MLIP: variants seen among roughly 807,000 people sequenced by gnomAD.
MLIP encodes muscular LMNA-interacting protein.
Under a neutral mutation model 84.8 loss-of-function variants are expected in MLIP, and 79 were observed. The observed-to-expected ratio is 0.93, with a 90% CI of 0.78 to 1.12. The LOEUF (loss-of-function observed/expected upper bound fraction) is 1.12. Ranked by LOEUF, MLIP falls within the 50% of genes most tolerant of loss-of-function variation. The pLI is 0.00. For missense variants in MLIP, 1,257 were observed against 1,160.6 expected (o/e 1.08, Z -1.21); for synonymous variants, 504 against 463.0 (o/e 1.09, Z -1.14).
chr6:54,251,743 TAATAGCA>T (rs1231162891), intron 12 of MLIP, among the ~76,000 whole-genome samples: 4 of 101,684 alleles, frequency 3.9e-5, no homozygotes, highest in Non-Finnish European at 5.1e-5. Context: ...TAAATATATA[TAATAGCA>T]TATAATATAT....
At chr6:54,049,164 G>T (rs997775346) in intron 1 of MLIP, among the ~76,000 whole-genome samples, 1 of 152,074 alleles carries the variant, frequency 6.6e-6, no homozygotes, top group Admixed American at 6.6e-5. Context: ...ATCCTCTGAG[G>T]ATTTTCAGCA....
intron 1 of MLIP, among the ~76,000 whole-genome samples, chr6:54,081,478 G>C (rs1767146696): frequency 6.6e-6 from 1 of 152,038 alleles, no homozygotes; most frequent in Non-Finnish European, 1.5e-5. Context: ...CGCGATCTCC[G>C]CTCACTGCAA....
intron 1 of MLIP, chr6:54,045,381 C>T (rs1764986326): frequency 6.6e-6 from 1 of 151,780 alleles, no homozygotes; most frequent in Non-Finnish European, 1.5e-5. Context: ...AATGGTGATG[C>T]ACCATGCATG....
intron 1 of MLIP, among the ~76,000 whole-genome samples, chr6:54,059,344 A>C (rs574503828): frequency 1.1e-4 from 16 of 152,208 alleles, no homozygotes; most frequent in Non-Finnish European, 2.2e-4. Context: ...TAGATCCCTC[A>C]GAACTCCTTG....
At chr6:54,025,687 G>A (rs148329880) in intron 1 of MLIP, among the ~76,000 whole-genome samples, 116 of 152,144 alleles carry the variant, frequency 7.6e-4, no homozygotes, top group Middle Eastern at 3.4e-3. Flanking sequence ...TTTGTCTGAG[G>A]GACAATTTTG....
intron 12 of MLIP, among the ~76,000 whole-genome samples, chr6:54,245,395 T>C (rs929429266): frequency 1.3e-5 from 2 of 152,160 alleles, no homozygotes; most frequent in Non-Finnish European, 2.9e-5. Flanking sequence ...CCACACCTGA[T>C]GCAAAGGAGC....
intron 1 of MLIP, among the ~76,000 whole-genome samples, chr6:54,088,316 T>A (rs1214681346): frequency 6.6e-6 from 1 of 152,078 alleles, no homozygotes; most frequent in East Asian, 1.9e-4. Flanking sequence ...AATCAAGGCA[T>A]ACAAATATAG....
chr6:54,259,517 G>C lies in MLIP; in HGVS notation c.2976+2156G>C, dbSNP rs541182494. 3.3e-5 allele frequency among the ~76,000 whole-genome samples: 5 copies of C among 151,956 alleles called. No homozygotes were observed. In the South Asian group the frequency reaches 1.0e-3, roughly 31 times the overall value. On this transcript the variant is annotated intron_variant, in intron 13 of 13. Transcript: ENST00000502396. ...TAAATTGAGAACTACTGAATGTTAG[G>C]TAATGCAAAAGACTTTGTGAGCCAA...
chr6:54,048,111 G>C (rs1233174995), intron 1 of MLIP, among the ~76,000 whole-genome samples: 2 of 152,186 alleles, frequency 1.3e-5, no homozygotes, highest in Non-Finnish European at 1.5e-5. Context: ...TGTAGGAGAG[G>C]TATTTCTAGA....
intron 3 of MLIP, among the ~76,000 whole-genome samples, chr6:54,131,064 A>C (rs1227667128): frequency 6.6e-6 from 1 of 152,228 alleles, no homozygotes; most frequent in East Asian, 1.9e-4. Context: ...TTTCCATGTA[A>C]GGGTGGAGAA....
At chr6:54,216,506 A>G (rs547938859) in intron 11 of MLIP, 5 of 985,302 alleles carry the variant, frequency 5.1e-6, no homozygotes, top group Non-Finnish European at 6.0e-6. Flanking sequence ...ATGCTGATCC[A>G]TGCCATCTGT....
intron 1 of MLIP, among the ~76,000 whole-genome samples, chr6:54,021,852 A>G (rs1345470798): frequency 6.6e-6 from 1 of 152,232 alleles, no homozygotes; most frequent in African/African-American, 2.4e-5. Context: ...CCAATATTTC[A>G]AACATGAGAA....
chr6:54,032,376 C>T (rs1764189214), intron 1 of MLIP: 1 of 152,028 alleles, frequency 6.6e-6, no homozygotes, highest in Non-Finnish European at 1.5e-5. Context: ...ATTTTGCTTA[C>T]ATTTTTATTC....
At chr6:54,044,458 T>A (rs1189934815) in intron 1 of MLIP, among the ~76,000 whole-genome samples, 1 of 152,212 alleles carries the variant, frequency 6.6e-6, no homozygotes, top group Non-Finnish European at 1.5e-5. Context: ...CAATACTACT[T>A]AAAACATACT....
chr6:54,102,754 A>G (rs1426279016), intron 1 of MLIP, among the ~76,000 whole-genome samples: 1 of 152,174 alleles, frequency 6.6e-6, no homozygotes, highest in Non-Finnish European at 1.5e-5. Flanking sequence ...GCACTGCATT[A>G]GGTGCTGGGG....
chr6:54,137,890 A>G lies in MLIP; in HGVS notation c.1821A>G (p.Ser607=). The G allele has an allele frequency of 2.0e-6, 3 of 1,536,098 alleles. No homozygotes were observed. Among genetic ancestry groups the G allele is most frequent in the Non-Finnish European group, 2.6e-6 (3 of 1,146,888 alleles). Residue 607 remains serine (S), a synonymous_variant, in exon 4 of 14, where the codon TCA becomes TCG. Transcript: ENST00000502396. ...PINQRATFSS[S]EKCFHPSPAL... ...ATCAAAGAGCTACGTTCTCTTCTTC[A>G]GAGAAATGTTTCCATCCTTCCCCAG...
At chr6:54,093,993 G>T (rs1768039280) in intron 1 of MLIP, among the ~76,000 whole-genome samples, 1 of 152,084 alleles carries the variant, frequency 6.6e-6, no homozygotes. Flanking sequence ...AATATCCAAA[G>T]AACAGTAGCT....
At chr6:54,113,213 G>C (rs1379164653) in intron 1 of MLIP, among the ~76,000 whole-genome samples, 1 of 152,138 alleles carries the variant, frequency 6.6e-6, no homozygotes, top group African/African-American at 2.4e-5. Context: ...CCTAGTTACA[G>C]AACCTGGGGA....
chr6:54,259,726 T>C (rs1562118779), intron 13 of MLIP, among the ~76,000 whole-genome samples: 1 of 151,922 alleles, frequency 6.6e-6, no homozygotes, highest in East Asian at 1.9e-4. Flanking sequence ...ATACCTATTA[T>C]TAGTAAAAAA....
Sources: allele counts gnomAD v4.1 joint callset (sites outside exome capture counted in the v4.1 genomes callset), GRCh38; gene constraint gnomAD v4.1.1; transcripts MANE v1.5; gene names NCBI Gene and HGNC (gene_info 2026-07-23, HGNC 2026-07-21).